The following MYG1 variants were observed in gnomAD, a reference collection of about 807,000 sequenced individuals.
The protein encoded by MYG1 is MYG1 exonuclease.
Under a neutral mutation model 43.5 loss-of-function variants are expected in MYG1, and 36 were observed. The observed-to-expected ratio is 0.83, with a 90% CI of 0.63 to 1.09. The LOEUF (loss-of-function observed/expected upper bound fraction) is 1.09, where lower values mean the gene tolerates loss of function less well. MYG1 is among the 50% of genes least tolerant of loss of function. The pLI, the probability that MYG1 is intolerant of heterozygous loss-of-function variation, is 0.00. For missense variants in MYG1, 529 were observed against 495.1 expected (o/e 1.07, Z -0.65); for synonymous variants, 220 against 202.8 (o/e 1.08, Z -0.72).
At position 53,307,070 on chromosome 12, in the gene MYG1, G is replaced by A. The variant is rs765198186; in HGVS notation, c.1052G>A (p.Gly351Asp). The A allele has an allele frequency of 1.2e-6, 2 of 1,614,220 alleles. No individual in the cohort carries two copies. The highest frequency in any genetic ancestry group is 4.5e-5 in the East Asian group (2 of 44,872). Residue 351 changes from glycine (G) to aspartate (D), a missense_variant, in exon 7 of 7, where the codon GGT becomes GAT. Coordinates refer to ENST00000267103, the MANE Select transcript of MYG1 (RefSeq NM_021640.4). ...GTCCATGCAAGCGGCTTCACTGGCG[G>A]TCACCACACCCGAGAGGGTGCCTTG... ...IFVHASGFTG[G>D]HHTREGALSM...
At chr12:53,300,335 C>G (rs1241152108) in intron 2 of MYG1, 73 bp downstream of exon 2, 4 of 1,136,172 alleles carry the variant, frequency 3.5e-6, no homozygotes, top group Non-Finnish European at 4.9e-6. Flanking sequence ...CAGCCATCCA[C>G]TGCCGTAGTC....
intron 3 of MYG1, among the ~76,000 whole-genome samples, chr12:53,305,455 C>T (rs1346291322): frequency 6.6e-6 from 1 of 152,168 alleles, no homozygotes; most frequent in African/African-American, 2.4e-5. Flanking sequence ...TGTCTAGTCT[C>T]ACACTCATTT....
At chr12:53,301,979 A>T (rs771683761) in intron 2 of MYG1, among the ~76,000 whole-genome samples, 2 of 146,414 alleles carry the variant, frequency 1.4e-5, no homozygotes, top group Non-Finnish European at 3.0e-5. Context: ...GCCCAGCCTC[A>T]TTTTTTTTAT....
At chr12:53,305,836 T>C in intron 3 of MYG1, 72 bp from the exon 4 acceptor site, 1 of 1,513,250 alleles carries the variant, frequency 6.6e-7, no homozygotes, top group African/African-American at 1.4e-5. Flanking sequence ...TGTATGAACA[T>C]ACTTTGAATC....
rs771324602 is a variant in MYG1 at position 53,303,134 on chromosome 12, C to G, written c.430C>G (p.Leu144Val). The change falls in exon 3 of 7, where the codon CTG (leucine) becomes GTG (valine). Residue 144 changes from leucine (L) to valine (V), a missense_variant. By Grantham distance (32) the Leu-to-Val change is conservative (BLOSUM62 1). Coordinates refer to ENST00000267103, the MANE Select transcript of MYG1 (RefSeq NM_021640.4). ...LIYLHFGHKL[L>V]AQLLGTSEED... is the part of the protein sequence containing the mutation. ...CTATCTGCACTTCGGGCACAAGCTGCTGGCCCAGTTGCTGGGCACTAGTGA... is the reference window on the plus strand; with the variant it reads ...CTATCTGCACTTCGGGCACAAGCTGGTGGCCCAGTTGCTGGGCACTAGTGA... 1 of 1,614,208 alleles carries G rather than the reference C, an allele frequency of 6.2e-7. No individual in the cohort carries two copies.
In MYG1 at chr12:53,305,961, G is replaced by C; in HGVS notation, c.543G>C (p.Gln181His). 6.2e-7 allele frequency: 1 copy of C among 1,613,900 alleles called. No individual in the cohort carries two copies. Among genetic ancestry groups the C allele is most frequent in the Middle Eastern group, 1.7e-4 (1 of 6,060 alleles). ...ATGCTGTGGACAATGGGATCTCCCA[G>C]TGGGCAGAGGGGGAGCCTCGATATG... ...EVDAVDNGIS[Q>H]WAEGEPRYAL... The change falls in exon 4 of 7, where the codon CAG becomes CAC. Residue 181 changes from glutamine to histidine, a missense_variant. Coordinates refer to ENST00000267103, the MANE Select transcript of MYG1 (RefSeq NM_021640.4).
chr12:53,305,195 GT>G (rs2121068545), intron 3 of MYG1, among the ~76,000 whole-genome samples: 1 of 152,264 alleles, frequency 6.6e-6, no homozygotes, highest in South Asian at 2.1e-4. Flanking sequence ...TGAGCATCAG[GT>G]TGGGATCCAA....
intron 3 of MYG1, among the ~76,000 whole-genome samples, chr12:53,305,474 T>C (rs896285521): frequency 2.0e-5 from 3 of 152,092 alleles, no homozygotes; most frequent in African/African-American, 7.2e-5. Context: ...TTTCTCCCAC[T>C]TGACTTGTGT....
In MYG1 at chr12:53,305,786, C is replaced by T. The variant is rs546199027; in HGVS notation, c.490-122C>T. The T allele has an allele frequency of 3.1e-6, 4 of 1,287,566 alleles. 1 individual carries two copies. In the Admixed American group the frequency reaches 8.4e-5, roughly 27 times the overall value. The allele number at this position is 1,287,566 out of a possible 1,614,324, so 79.8% of individuals were successfully genotyped here. ...ACTTGCCAATTCTCCCTTTTCTCAT[C>T]CAGTTAATGTTGAGAGATCCTCACA... On this transcript the variant is annotated intron_variant, in intron 3 of 6. Transcript: ENST00000267103.
At chr12:53,301,219 C>T (rs117688827) in intron 2 of MYG1, among the ~76,000 whole-genome samples, 2,983 of 152,096 alleles carry the variant, frequency 0.02, 52 homozygotes, top group Middle Eastern at 0.054. Flanking sequence ...TTGGCCTATC[C>T]TCTGGGATTT....
chr12:53,306,715 A>G lies in MYG1; in HGVS notation c.801A>G (p.Lys267=), dbSNP rs1364136439. 1 of 1,614,106 alleles carries G rather than the reference A, an allele frequency of 6.2e-7. No individual in the cohort carries two copies. Among genetic ancestry groups the G allele is most frequent in the South Asian group, 1.1e-5 (1 of 91,078 alleles). The change falls in exon 6 of 7, where the codon AAA becomes AAG. Residue 267 remains lysine (K), a synonymous_variant. Transcript: ENST00000267103. ...GTGGAGAGATTGTGGAACTGGCGAA[A>G]GGTGCATGTCCCTGGAAGGAGCATC... ...DPSGEIVELA[K]GACPWKEHLY... is the part of the protein sequence containing the mutation.
At chr12:53,300,315 T>C in intron 2 of MYG1, 53 bp downstream of exon 2, 1 of 1,367,760 alleles carries the variant, frequency 7.3e-7, no homozygotes, top group East Asian at 2.5e-5. Flanking sequence ...CTTTCCTCTG[T>C]GCTCCAATTC....
At chr12:53,305,186 G>T (rs1247804020) in intron 3 of MYG1, among the ~76,000 whole-genome samples, 1 of 152,144 alleles carries the variant, frequency 6.6e-6, no homozygotes, top group East Asian at 1.9e-4. Flanking sequence ...TGTTTTAACT[G>T]AGCATCAGGT....
Position 53,306,840 on chromosome 12 carries a change from A to G in MYG1, c.926A>G (p.Glu309Gly). 1 of 1,613,560 alleles carries G rather than the reference A, an allele frequency of 6.2e-7. No homozygotes were observed. The highest frequency in any genetic ancestry group is 8.5e-7 in the Non-Finnish European group (1 of 1,179,684). ...GQWRIQCVPK[E>G]PHSFQSRLPL... ...TGGCGAATACAGTGTGTGCCCAAGG[A>G]GCCCCACTCATTCCAAAGCCGGTGA... Residue 309 changes from glutamate to glycine, a missense_variant, in exon 6 of 7, where the codon GAG (glutamate) becomes GGG (glycine). By Grantham distance (98) the Glu-to-Gly change is moderately conservative. Coordinates refer to ENST00000267103, the MANE Select transcript of MYG1 (RefSeq NM_021640.4).
chr12:53,303,119 T>C lies in MYG1; in HGVS notation c.415T>C (p.Phe139Leu). The C allele has an allele frequency of 6.2e-7, 1 of 1,614,122 alleles. No individual in the cohort carries two copies. Among genetic ancestry groups the C allele is most frequent in the Non-Finnish European group, 8.5e-7 (1 of 1,180,016 alleles). The change falls in exon 3 of 7, where the codon TTC (phenylalanine) becomes CTC (leucine). Residue 139 changes from phenylalanine to leucine, a missense_variant. Transcript: ENST00000267103. ...LSSAGLIYLH[F>L]GHKLLAQLLG... The stretch of plus-strand genomic sequence containing the variant: ...CAGTGCGGGACTCATCTATCTGCAC[T>C]TCGGGCACAAGCTGCTGGCCCAGTT...
At chr12:53,301,056 A>T (rs531431315) in intron 2 of MYG1, among the ~76,000 whole-genome samples, 3 of 151,640 alleles carry the variant, frequency 2.0e-5, no homozygotes, top group Admixed American at 2.0e-4. Flanking sequence ...AGTAGCTGGG[A>T]CTACAGGCAC....
At position 53,303,016 on chromosome 12, in the gene MYG1, C is replaced by A; in HGVS notation, c.330-18C>A. On this transcript the variant is annotated intron_variant, in intron 2 of 6. Coordinates refer to ENST00000267103, the MANE Select transcript of MYG1 (RefSeq NM_021640.4). ...GCCAAGGTCCCTCACCTCAGCCCCACCTCCCTATGCTCCTCAGGTCTTTCA... is the reference window on the plus strand; with the variant it reads ...GCCAAGGTCCCTCACCTCAGCCCCAACTCCCTATGCTCCTCAGGTCTTTCA... The A allele has an allele frequency of 6.3e-7, 1 of 1,584,506 alleles. No individual in the cohort carries two copies. Among genetic ancestry groups the A allele is most frequent in the South Asian group, 1.1e-5 (1 of 88,402 alleles).
rs1944240591 is a variant in MYG1, at chr12:53,302,688, G to T, written c.330-346G>T. ...CACTTGTCTCTCAGCCATCATTCAT[G>T]TTGTTCTCTCTGCTTGGAATGCTTT... On this transcript the variant is annotated intron_variant, in intron 2 of 6. Coordinates refer to ENST00000267103, the MANE Select transcript of MYG1 (RefSeq NM_021640.4). 3.3e-5 allele frequency among the ~76,000 whole-genome samples: 5 copies of T among 152,268 alleles called. No homozygotes were observed. The Middle Eastern group carries it at 0.014, about 414-fold the overall frequency.
chr12:53,303,522 T>C, intron 3 of MYG1: 1 of 228,780 alleles, frequency 4.4e-6, no homozygotes, highest in South Asian at 7.6e-5. Context: ...GGGAGGCTGC[T>C]TATGTGTGGA....
Sources: gnomAD v4.1 joint callset for allele counts (sites outside exome capture counted in the v4.1 genomes callset) on GRCh38, gnomAD v4.1.1 for gene constraint, MANE v1.5 for transcripts, NCBI Gene and HGNC (gene_info 2026-07-23, HGNC 2026-07-21) for gene names.